ATP9B: variants seen among roughly 807,000 people sequenced by gnomAD.
The protein encoded by ATP9B is probable phospholipid-transporting ATPase IIB.
Under a neutral mutation model 146.1 loss-of-function variants are expected in ATP9B, and 110 were observed. That is an observed-to-expected ratio of 0.75 (90% CI 0.65 to 0.88). The LOEUF is 0.88. Among genes scored for constraint, ATP9B ranks in the 40% least tolerant of loss-of-function variants. The pLI is 0.00. For missense variants in ATP9B, 1,499 were observed against 1,496.4 expected, an observed-to-expected ratio of 1.00 and a Z score of -0.03; for synonymous variants, 604 against 569.7, an observed-to-expected ratio of 1.06 and a Z score of -0.86.
At chr18:79,131,206 T>C (rs1220843965) in intron 5 of ATP9B, among the ~76,000 whole-genome samples, 1 of 152,028 alleles carries the variant, frequency 6.6e-6, no homozygotes, top group African/African-American at 2.4e-5. Context: ...CAAAAGCTAA[T>C]ACGCTTTCGT....
At chr18:79,154,053 G>A (rs2094733116) in intron 6 of ATP9B, among the ~76,000 whole-genome samples, 11 of 151,332 alleles carry the variant, frequency 7.3e-5, no homozygotes, top group Admixed American at 7.2e-4. Context: ...CTGCCTCCCG[G>A]GTTCACGCCA....
intron 1 of ATP9B, among the ~76,000 whole-genome samples, chr18:79,086,909 T>A (rs2073890061): frequency 6.6e-6 from 1 of 152,222 alleles, no homozygotes; most frequent in Non-Finnish European, 1.5e-5. Context: ...CCCTTTAAAT[T>A]TTATTTATTC....
At chr18:79,191,623 A>T (rs8084706) in intron 8 of ATP9B, among the ~76,000 whole-genome samples, 1 of 152,024 alleles carries the variant, frequency 6.6e-6, no homozygotes, top group African/African-American at 2.4e-5. Context: ...CAGACATTGC[A>T]TTTTTTCAAT....
chr18:79,356,185 A>G (rs1189595268), intron 25 of ATP9B, among the ~76,000 whole-genome samples: 2 of 152,176 alleles, frequency 1.3e-5, no homozygotes, highest in African/African-American at 4.8e-5. Flanking sequence ...GTTAGACCAC[A>G]GGATGCTCCG....
chr18:79,177,909 A>C (rs2095198854), intron 8 of ATP9B, among the ~76,000 whole-genome samples: 1 of 152,152 alleles, frequency 6.6e-6, no homozygotes, highest in Non-Finnish European at 1.5e-5. Context: ...TTGTTTACTT[A>C]AATTATCTAG....
chr18:79,189,253 C>T (rs377604871), intron 8 of ATP9B, among the ~76,000 whole-genome samples: 3 of 151,950 alleles, frequency 2.0e-5, no homozygotes, highest in African/African-American at 7.2e-5. Flanking sequence ...AGACTGAGGC[C>T]AGAGAATCGC....
At chr18:79,075,487 G>T (rs1243598087) in intron 1 of ATP9B, among the ~76,000 whole-genome samples, 2 of 152,164 alleles carry the variant, frequency 1.3e-5, no homozygotes, top group Non-Finnish European at 2.9e-5. Flanking sequence ...TTGCAGGTCT[G>T]TTGTTTGGTG....
intron 12 of ATP9B, among the ~76,000 whole-genome samples, chr18:79,255,910 T>C (rs1195068398): frequency 6.6e-6 from 1 of 152,190 alleles, no homozygotes; most frequent in East Asian, 1.9e-4. Flanking sequence ...AGGTTATGCA[T>C]TCATTTTTAT....
At chr18:79,146,885 C>G (rs935514642) in intron 6 of ATP9B, 1 of 152,420 alleles carries the variant, frequency 6.6e-6, no homozygotes, top group Non-Finnish European at 1.5e-5. Context: ...TGCAGACGTA[C>G]GTTCTAATGG....
chr18:79,271,239 A>T lies in ATP9B; in HGVS notation c.1269-5815A>T, dbSNP rs116033883. On this transcript the variant is annotated intron_variant, in intron 12 of 29. Coordinates refer to ENST00000426216, the MANE Select transcript of ATP9B (RefSeq NM_198531.5). ...TGTAATACTTTGCTGTATTTTCTTT[A>T]TTATTATTATTATTATACTTTAAGT... Among the ~76,000 whole-genome samples, 1,366 of 151,036 alleles carry T rather than the reference A, an allele frequency of 9.0e-3. 8 individuals carry two copies. Among genetic ancestry groups the T allele is most frequent in the African/African-American group, 0.023 (962 of 41,228 alleles).
intron 13 of ATP9B, among the ~76,000 whole-genome samples, chr18:79,291,842 C>G (rs190446026): frequency 6.6e-6 from 1 of 152,326 alleles, no homozygotes; most frequent in East Asian, 1.9e-4. Flanking sequence ...TCACCACAAT[C>G]TAACTTTAAA....
At chr18:79,301,061 G>A (rs2096587380) in intron 13 of ATP9B, among the ~76,000 whole-genome samples, 1 of 152,184 alleles carries the variant, frequency 6.6e-6, no homozygotes, top group Admixed American at 6.5e-5. Context: ...TAATTTTTCA[G>A]AGAGCTGCTT....
chr18:79,364,848 A>G (rs572555383), intron 26 of ATP9B, among the ~76,000 whole-genome samples: 1 of 152,230 alleles, frequency 6.6e-6, no homozygotes, highest in East Asian at 1.9e-4. Context: ...ATATAGTGAG[A>G]CCGTGTCTCT....
intron 11 of ATP9B, among the ~76,000 whole-genome samples, chr18:79,217,509 A>G (rs1332596786): frequency 6.6e-6 from 1 of 152,262 alleles, no homozygotes; most frequent in Non-Finnish European, 1.5e-5. Context: ...ACATCCAATT[A>G]AGACATAACA....
At chr18:79,159,969 C>T (rs1052615575) in intron 7 of ATP9B, among the ~76,000 whole-genome samples, 13 of 152,290 alleles carry the variant, frequency 8.5e-5, no homozygotes, top group Admixed American at 4.6e-4. Context: ...AAGGTTCCAT[C>T]GATCTCTGCC....
chr18:79,257,766 T>G (rs1396035366), intron 12 of ATP9B, among the ~76,000 whole-genome samples: 1 of 152,238 alleles, frequency 6.6e-6, no homozygotes, highest in Non-Finnish European at 1.5e-5. Context: ...TTCTAGGAAT[T>G]CCTTTTTCTT....
intron 1 of ATP9B, among the ~76,000 whole-genome samples, chr18:79,087,904 A>G (rs996121208): frequency 6.6e-6 from 1 of 152,208 alleles, no homozygotes; most frequent in African/African-American, 2.4e-5. Flanking sequence ...TTTTAAAAAT[A>G]TGTTTCCAGA....
At chr18:79,204,306 T>A (rs2095515209) in intron 9 of ATP9B, among the ~76,000 whole-genome samples, 1 of 152,226 alleles carries the variant, frequency 6.6e-6, no homozygotes, top group Admixed American at 6.5e-5. Flanking sequence ...TTCATTCCAG[T>A]GTATTTTGAC....
intron 5 of ATP9B, among the ~76,000 whole-genome samples, chr18:79,137,297 GTCA>G (rs2094459705): frequency 6.6e-6 from 1 of 152,080 alleles, no homozygotes; most frequent in African/African-American, 2.4e-5. Flanking sequence ...CCTCGTATGG[GTCA>G]TATCTTCTTG....
Sources: gnomAD v4.1 joint callset for allele counts (sites outside exome capture counted in the v4.1 genomes callset) on GRCh38, gnomAD v4.1.1 for gene constraint, MANE v1.5 for transcripts, NCBI Gene and HGNC (gene_info 2026-07-23, HGNC 2026-07-21) for gene names.